The following MIR2052HG variants were observed in gnomAD, a reference collection of about 807,000 sequenced individuals.
MIR2052HG encodes the protein MIR2052 host gene.
chr8:74,739,614 G>GA (rs1296219984), intron 4 of MIR2052HG, among the ~76,000 whole-genome samples: 2 of 151,880 alleles, frequency 1.3e-5, no homozygotes, highest in Non-Finnish European at 2.9e-5. Flanking sequence ...TTCACTGATT[G>GA]AAAAAAAATT....
chr8:74,600,206 G>C (rs948921544), intron 1 of MIR2052HG, among the ~76,000 whole-genome samples: 1 of 152,000 alleles, frequency 6.6e-6, no homozygotes, highest in Non-Finnish European at 1.5e-5. Flanking sequence ...CTCACGCTGG[G>C]AGCTGTAGAC....
intron 4 of MIR2052HG, among the ~76,000 whole-genome samples, chr8:74,722,178 C>G (rs1481252726): frequency 6.6e-6 from 1 of 152,042 alleles, no homozygotes; most frequent in Non-Finnish European, 1.5e-5. Context: ...AAAGCCCTGT[C>G]CCTTCCACCC....
chr8:74,665,296 G>A (rs764158188), intron 2 of MIR2052HG, among the ~76,000 whole-genome samples: 4 of 152,146 alleles, frequency 2.6e-5, no homozygotes, highest in Non-Finnish European at 4.4e-5. Flanking sequence ...ATATGAACTC[G>A]CATCGATATG....
chr8:74,735,416 T>C (rs16938941), intron 4 of MIR2052HG, among the ~76,000 whole-genome samples: 2,184 of 152,242 alleles, frequency 0.014, 47 homozygotes, highest in African/African-American at 0.049. Context: ...AGTCCTCATA[T>C]CTCATTTCCA....
intron 2 of MIR2052HG, among the ~76,000 whole-genome samples, chr8:74,650,717 T>C (rs1034126426): frequency 1.3e-5 from 2 of 152,128 alleles, no homozygotes; most frequent in African/African-American, 4.8e-5. Context: ...GTTGGTGAAT[T>C]TTGGTCATTC....
chr8:74,714,004 A>T (rs957030827), intron 4 of MIR2052HG, among the ~76,000 whole-genome samples: 1 of 152,022 alleles, frequency 6.6e-6, no homozygotes, highest in Admixed American at 6.5e-5. Context: ...AGAGTCTCCT[A>T]AGAGACTCTC....
chr8:74,617,456 GGTGTGTGTGTGT>G (rs61474557), intron 2 of MIR2052HG, among the ~76,000 whole-genome samples: 141 of 147,390 alleles, frequency 9.6e-4, no homozygotes, highest in Middle Eastern at 7.1e-3. Context: ...TATTCCATTG[GGTGTGTGTGTGT>G]GTGTGTGTGT....
At chr8:74,616,864 C>T (rs1181120717) in intron 2 of MIR2052HG, among the ~76,000 whole-genome samples, 2 of 152,020 alleles carry the variant, frequency 1.3e-5, no homozygotes, top group Non-Finnish European at 2.9e-5. Flanking sequence ...AATGAGTCCT[C>T]CTCCTATAGA....
At chr8:74,685,528 T>G (rs539547318) in intron 2 of MIR2052HG, among the ~76,000 whole-genome samples, 3 of 152,126 alleles carry the variant, frequency 2.0e-5, no homozygotes, top group South Asian at 4.1e-4. Context: ...TTCTGGAAAT[T>G]TATACACTTC....
chr8:74,657,602 C>G (rs1248518947), intron 2 of MIR2052HG, among the ~76,000 whole-genome samples: 2 of 152,208 alleles, frequency 1.3e-5, no homozygotes, highest in Non-Finnish European at 2.9e-5. Flanking sequence ...GTTTGATGGA[C>G]TTACAACTCC....
intron 2 of MIR2052HG, among the ~76,000 whole-genome samples, chr8:74,628,343 A>G (rs987733339): frequency 6.6e-6 from 1 of 152,160 alleles, no homozygotes; most frequent in African/African-American, 2.4e-5. Flanking sequence ...CTACCTCGAG[A>G]AATGAGAGGA....
At chr8:74,656,547 C>T (rs536040383) in intron 2 of MIR2052HG, among the ~76,000 whole-genome samples, 1 of 152,292 alleles carries the variant, frequency 6.6e-6, no homozygotes, top group South Asian at 2.1e-4. Flanking sequence ...TAAGAAGTAC[C>T]TTTCACCTCC....
At chr8:74,735,743 T>G (rs1485059911) in intron 4 of MIR2052HG, among the ~76,000 whole-genome samples, 15 of 152,216 alleles carry the variant, frequency 9.9e-5, no homozygotes, top group Admixed American at 7.9e-4. Context: ...CCTTTCAAAT[T>G]CTGGGAACTT....
At position 74,673,910 on chromosome 8, in the gene MIR2052HG, T is replaced by TATATATATATATATATATACAC. The variant is rs1485340799; in HGVS notation, n.217-28468_217-28467insTATATATATATATATATACACA. Among the ~76,000 whole-genome samples, 452 of 133,138 alleles carry TATATATATATATATATATACAC rather than the reference T, an allele frequency of 3.4e-3. 23 individuals are homozygous for TATATATATATATATATATACAC. Among genetic ancestry groups the TATATATATATATATATATACAC allele is most frequent in the African/African-American group, 0.013 (373 of 29,464 alleles). The allele number at this position is 133,138 out of a possible 152,430, so 87.3% of individuals were successfully genotyped here. A position where few individuals can be genotyped will look rare whatever the true frequency, so the allele number is the denominator to read the frequency against. On this transcript the variant is annotated intron_variant and non_coding_transcript_variant, in intron 2 of 6. Coordinates refer to ENST00000523442, the Ensembl canonical transcript of MIR2052HG. ...TTGTATATATATATATATATATATATACACACACAAAATATCTATCTATAT... is the reference window on the plus strand; with the variant it reads ...TTGTATATATATATATATATATATATATATATATATATATATATACACACACACACAAAATATCTATCTATAT...
At chr8:74,668,816 G>A (rs186570833) in intron 2 of MIR2052HG, among the ~76,000 whole-genome samples, 49 of 152,276 alleles carry the variant, frequency 3.2e-4, no homozygotes, top group East Asian at 2.5e-3. Context: ...TCAAGTGAGG[G>A]GCTTTGGAGG....
At chr8:74,641,749 C>T (rs573101941) in intron 2 of MIR2052HG, among the ~76,000 whole-genome samples, 6 of 152,114 alleles carry the variant, frequency 3.9e-5, no homozygotes, top group African/African-American at 1.4e-4. Flanking sequence ...TATCCTCATC[C>T]CTTCCAAACA....
chr8:74,731,089 A>G (rs1809687341), intron 4 of MIR2052HG, among the ~76,000 whole-genome samples: 1 of 152,160 alleles, frequency 6.6e-6, no homozygotes, highest in Admixed American at 6.5e-5. Flanking sequence ...CAGCCAGTTG[A>G]CATTATCCAG....
intron 2 of MIR2052HG, among the ~76,000 whole-genome samples, chr8:74,633,059 G>T (rs1272003974): frequency 2.0e-5 from 3 of 151,900 alleles, no homozygotes; most frequent in Non-Finnish European, 4.4e-5. Flanking sequence ...TTGCTTTGTT[G>T]CCCAGACTGT....
chr8:74,732,798 A>G (rs367609167), intron 4 of MIR2052HG, among the ~76,000 whole-genome samples: 1 of 152,290 alleles, frequency 6.6e-6, no homozygotes, highest in South Asian at 2.1e-4. Context: ...AAAGAAGGGA[A>G]TAAACAGCCC....
Sources: allele counts gnomAD v4.1 joint callset (sites outside exome capture counted in the v4.1 genomes callset), GRCh38; gene constraint gnomAD v4.1.1; transcripts MANE v1.5; gene names NCBI Gene and HGNC (gene_info 2026-07-23, HGNC 2026-07-21).